TRIM2: variants seen among roughly 807,000 people sequenced by gnomAD.
The protein encoded by TRIM2 is tripartite motif-containing protein 2.
In TRIM2, 20 loss-of-function variants were observed where a neutral mutation model predicts 75.2. That is an observed-to-expected ratio of 0.27 (90% CI 0.19 to 0.39). The LOEUF is 0.39. Ranked by LOEUF, TRIM2 falls within the 10% of genes least tolerant of loss-of-function variation. TRIM2 has a pLI of 1.00. For missense variants in TRIM2, 660 were observed against 990.8 expected (o/e 0.67, Z 4.48); for synonymous variants, 373 against 388.3 (o/e 0.96, Z 0.46).
chr4:153,214,546 A>T (rs762085005), intron 1 of TRIM2, among the ~76,000 whole-genome samples: 6 of 152,196 alleles, frequency 3.9e-5, no homozygotes, highest in Non-Finnish European at 8.8e-5. Flanking sequence ...CCTACGGAAA[A>T]TTTTTGTCCA....
chr4:153,174,250 C>A (rs1731184967), intron 1 of TRIM2, among the ~76,000 whole-genome samples: 1 of 151,474 alleles, frequency 6.6e-6, no homozygotes, highest in African/African-American at 2.4e-5. Context: ...CTTAGAGTCA[C>A]CAGAAGTGTA....
intron 1 of TRIM2, among the ~76,000 whole-genome samples, chr4:153,198,826 T>G (rs985147742): frequency 2.6e-5 from 4 of 152,210 alleles, no homozygotes; most frequent in Non-Finnish European, 5.9e-5. Flanking sequence ...TAGAAGGGTT[T>G]GGTGAAGCTC....
intron 1 of TRIM2, among the ~76,000 whole-genome samples, chr4:153,160,483 A>G (rs1018887239): frequency 1.3e-5 from 2 of 152,222 alleles, no homozygotes; most frequent in Non-Finnish European, 2.9e-5. Context: ...TGTGTTGTCC[A>G]GGCTGATCTT....
At chr4:153,241,446 T>G (rs1467105407) in intron 1 of TRIM2, among the ~76,000 whole-genome samples, 3 of 152,140 alleles carry the variant, frequency 2.0e-5, no homozygotes, top group African/African-American at 7.2e-5. Context: ...GAGACACCTC[T>G]AACTAAACAA....
intron 1 of TRIM2, among the ~76,000 whole-genome samples, chr4:153,206,278 C>T (rs551776465): frequency 6.6e-6 from 1 of 152,308 alleles, no homozygotes; most frequent in African/African-American, 2.4e-5. Flanking sequence ...GCTGGCTATC[C>T]ATGAGAAGTT....
chr4:153,198,239 A>T (rs952099897), intron 1 of TRIM2, among the ~76,000 whole-genome samples: 1 of 152,056 alleles, frequency 6.6e-6, no homozygotes, highest in Non-Finnish European at 1.5e-5. Context: ...TTTGGCTGTG[A>T]CCCCACCCAA....
chr4:153,242,460 G>A (rs530564262), intron 1 of TRIM2, among the ~76,000 whole-genome samples: 2 of 152,106 alleles, frequency 1.3e-5, no homozygotes, highest in East Asian at 1.9e-4. Flanking sequence ...AATCCTTTGT[G>A]GTAGGTTCCT....
intron 11 of TRIM2, among the ~76,000 whole-genome samples, chr4:153,331,231 G>A (rs1771409024): frequency 6.6e-6 from 1 of 152,182 alleles, no homozygotes; most frequent in Non-Finnish European, 1.5e-5. Context: ...GCTGAGGCAT[G>A]AGGATTCCTT....
At chr4:153,242,088 A>C (rs1163636280) in intron 1 of TRIM2, among the ~76,000 whole-genome samples, 1 of 152,220 alleles carries the variant, frequency 6.6e-6, no homozygotes, top group Non-Finnish European at 1.5e-5. Context: ...ATCTGATGCC[A>C]ACCACGTGGG....
At chr4:153,199,909 G>A (rs946133345), upstream of TRIM2, among the ~76,000 whole-genome samples, 1 of 150,958 alleles carries the variant, frequency 6.6e-6, no homozygotes, top group African/African-American at 2.4e-5. Flanking sequence ...GAGTAGCTGG[G>A]ACTACAGGCA....
chr4:153,159,748 G>A (rs1361557664), intron 1 of TRIM2, among the ~76,000 whole-genome samples: 1 of 152,086 alleles, frequency 6.6e-6, no homozygotes, highest in Admixed American at 6.5e-5. Flanking sequence ...CTCCCAAGAT[G>A]GTTTGTCAGT....
At position 153,211,573 on chromosome 4, in the gene TRIM2, C is replaced by CA. The variant is rs561137130; in HGVS notation, c.30+7014dup. Among the ~76,000 whole-genome samples the CA allele has an allele frequency of 1.4e-4, 21 of 149,614 alleles. No homozygotes were observed. In the South Asian group the frequency reaches 4.2e-3, roughly 30 times the overall value. On this transcript the variant is annotated intron_variant, in intron 1 of 11. Transcript: ENST00000338700. ...TGCAATCATGGCTCACTGCAGCCTT[C>CA]ACCTCCCAGACAGGTGATTCTCCCA...
At chr4:153,272,791 G>C (rs1323148919) in intron 2 of TRIM2, among the ~76,000 whole-genome samples, 1 of 152,186 alleles carries the variant, frequency 6.6e-6, no homozygotes, top group Admixed American at 6.5e-5. Flanking sequence ...CTGTTTGAAG[G>C]TGTTGAAGGT....
intron 1 of TRIM2, among the ~76,000 whole-genome samples, chr4:153,185,008 G>A (rs1160975632): frequency 6.6e-6 from 1 of 152,148 alleles, no homozygotes; most frequent in Admixed American, 6.5e-5. Context: ...GTCAAATTGT[G>A]TCCTATTCCA....
intron 6 of TRIM2, among the ~76,000 whole-genome samples, chr4:153,314,820 G>A (rs1256688003): frequency 6.6e-6 from 1 of 152,114 alleles, no homozygotes; most frequent in Non-Finnish European, 1.5e-5. Flanking sequence ...CCTTCGGTTT[G>A]TCAAATGTAC....
At chr4:153,251,155 C>CT (rs1750782743) in intron 1 of TRIM2, among the ~76,000 whole-genome samples, 1 of 152,198 alleles carries the variant, frequency 6.6e-6, no homozygotes, top group Non-Finnish European at 1.5e-5. Context: ...TTCACCATTA[C>CT]TTCCTGACAG....
intron 1 of TRIM2, among the ~76,000 whole-genome samples, chr4:153,177,707 C>CTTCCT (rs555687002): frequency 6.0e-5 from 8 of 133,972 alleles, no homozygotes; most frequent in African/African-American, 2.3e-4. Flanking sequence ...TGGTGGCTCG[C>CTTCCT]TCCTTCCTTC....
chr4:153,197,824 G>T (rs966160165), intron 1 of TRIM2, among the ~76,000 whole-genome samples: 1 of 152,150 alleles, frequency 6.6e-6, no homozygotes, highest in African/African-American at 2.4e-5. Flanking sequence ...AGTGAGCCAA[G>T]ATTGCACCAC....
intron 1 of TRIM2, among the ~76,000 whole-genome samples, chr4:153,244,834 G>T (rs766479526): frequency 1.3e-5 from 2 of 152,170 alleles, no homozygotes; most frequent in Non-Finnish European, 2.9e-5. Context: ...GAGAAGGAAA[G>T]GAAAGAATGG....
Sources: gnomAD v4.1 joint callset for allele counts (sites outside exome capture counted in the v4.1 genomes callset) on GRCh38, gnomAD v4.1.1 for gene constraint, MANE v1.5 for transcripts, NCBI Gene and HGNC (gene_info 2026-07-23, HGNC 2026-07-21) for gene names.